LRRC37A: variants seen among roughly 807,000 people sequenced by gnomAD.
LRRC37A encodes leucine rich repeat containing 37A.
LRRC37A carries 3 observed loss-of-function variants against 35.4 expected under a neutral mutation model. The ratio of observed to expected loss-of-function variants is 0.08; its 90% CI spans 0.04 to 0.22. LRRC37A has a LOEUF of 0.22. Among genes scored for constraint, LRRC37A ranks in the 10% least tolerant of loss-of-function variants. The pLI is 1.00. For missense variants in LRRC37A, 67 were observed against 565.3 expected (o/e 0.12, Z 8.94); for synonymous variants, 23 against 215.0 (o/e 0.11, Z 7.81).
chr17:46,268,204 A>G, the LRRC37A span, among the ~76,000 whole-genome samples: 1 of 152,236 alleles, frequency 6.6e-6, no homozygotes, highest in Non-Finnish European at 1.5e-5. Flanking sequence ...TTTTTAGTAC[A>G]GATGGGGTTT....
the LRRC37A span, among the ~76,000 whole-genome samples, chr17:46,269,404 C>G: frequency 6.6e-6 from 1 of 152,126 alleles, no homozygotes; most frequent in Non-Finnish European, 1.5e-5. Context: ...TGTGGTGGCA[C>G]ATGCCTGTAA....
the LRRC37A span, chr17:46,267,008 TCGCCGCCCGCGC>T: frequency 5.9e-6 from 1 of 170,378 alleles, no homozygotes; most frequent in Non-Finnish European, 1.2e-5. Flanking sequence ...GGCCCCCGGC[TCGCCGCCCGCGC>T]CGCCGCCGCG....
the LRRC37A span, among the ~76,000 whole-genome samples, chr17:46,264,289 C>T: frequency 4.6e-5 from 7 of 152,094 alleles, no homozygotes; most frequent in African/African-American, 1.7e-4. Flanking sequence ...ATACAACACA[C>T]AGTAGATGCT....
the LRRC37A span, among the ~76,000 whole-genome samples, chr17:46,266,249 ACTCAGTCC>A: frequency 6.6e-6 from 1 of 151,934 alleles, no homozygotes. Flanking sequence ...TTTCTCCCCC[ACTCAGTCC>A]CTCAGTCCCG....
At chr17:46,263,873 A>AGAGAG in the LRRC37A span, among the ~76,000 whole-genome samples, 5 of 130,762 alleles carry the variant, frequency 3.8e-5, no homozygotes, top group Admixed American at 2.2e-4. Flanking sequence ...AAAAAAAAAA[A>AGAGAG]AGAGAGAGAG....
chr17:46,272,234 C>T, the LRRC37A span, among the ~76,000 whole-genome samples: 1 of 152,210 alleles, frequency 6.6e-6, no homozygotes, highest in Non-Finnish European at 1.5e-5. Flanking sequence ...AATATATTTA[C>T]AAGCCCAAGG....
the LRRC37A span, among the ~76,000 whole-genome samples, chr17:46,285,054 A>C: frequency 6.6e-6 from 1 of 151,976 alleles, no homozygotes; most frequent in Non-Finnish European, 1.5e-5. Flanking sequence ...TTTTTTGTAG[A>C]GATGGGGTCT....
chr17:46,277,925 A>G, the LRRC37A span, among the ~76,000 whole-genome samples: 1 of 151,904 alleles, frequency 6.6e-6, no homozygotes, highest in Non-Finnish European at 1.5e-5. Flanking sequence ...TACGGACATG[A>G]GCCACCATGC....
At chr17:46,286,529 A>G in the LRRC37A span, among the ~76,000 whole-genome samples, 1 of 152,340 alleles carries the variant, frequency 6.6e-6, no homozygotes, top group Non-Finnish European at 1.5e-5. Context: ...GTTTAATCTC[A>G]TTAATTTCTA....
the LRRC37A span, among the ~76,000 whole-genome samples, chr17:46,270,569 C>A: frequency 8.9e-6 from 1 of 112,772 alleles, no homozygotes; most frequent in South Asian, 2.4e-4. Flanking sequence ...AAAAAATTAA[C>A]TCAGGCATAA....
the LRRC37A span, among the ~76,000 whole-genome samples, chr17:46,275,762 T>G: frequency 6.6e-6 from 1 of 152,260 alleles, no homozygotes. Flanking sequence ...TGTGTATGTG[T>G]GTGTTTATTT....
chr17:46,271,614 G>A, the LRRC37A span, among the ~76,000 whole-genome samples: 1 of 152,158 alleles, frequency 6.6e-6, no homozygotes, highest in Non-Finnish European at 1.5e-5. Context: ...TTTGCCTAAA[G>A]GAATTAGCAG....
the LRRC37A span, among the ~76,000 whole-genome samples, chr17:46,264,406 A>G: frequency 6.6e-6 from 1 of 152,356 alleles, no homozygotes; most frequent in Admixed American, 6.5e-5. Flanking sequence ...ATACACACCT[A>G]TTGTAAAGAT....
At chr17:46,279,902 TAAAC>T in the LRRC37A span, among the ~76,000 whole-genome samples, 2 of 152,198 alleles carry the variant, frequency 1.3e-5, no homozygotes, top group Non-Finnish European at 2.9e-5. Flanking sequence ...TTTTCTGTCT[TAAAC>T]AAATTATCTA....
the LRRC37A span, chr17:46,267,431 C>T: frequency 6.2e-7 from 1 of 1,613,116 alleles, no homozygotes; most frequent in Admixed American, 1.7e-5. Flanking sequence ...CTGTACCTCA[C>T]TCACCCCCGA....
At chr17:46,273,243 T>A in the LRRC37A span, among the ~76,000 whole-genome samples, 3 of 152,262 alleles carry the variant, frequency 2.0e-5, no homozygotes, top group African/African-American at 4.8e-5. Context: ...GCACAGTGCA[T>A]ACAATATGTA....
chr17:46,257,419 C>T, the LRRC37A span, among the ~76,000 whole-genome samples: 2 of 144,662 alleles, frequency 1.4e-5, no homozygotes, highest in Admixed American at 1.4e-4. Context: ...TGCCACTGCA[C>T]TCTAGCCCAG....
chr17:46,291,994 A>G (rs1334539502), upstream of LRRC37A, among the ~76,000 whole-genome samples: 1 of 134,888 alleles, frequency 7.4e-6, no homozygotes, highest in Non-Finnish European at 1.6e-5. Context: ...AAAAGCCAAT[A>G]AAATCAATGG....
At chr17:46,278,186 T>G in the LRRC37A span, among the ~76,000 whole-genome samples, 1 of 151,844 alleles carries the variant, frequency 6.6e-6, no homozygotes, top group Non-Finnish European at 1.5e-5. Flanking sequence ...CCTCAGATGA[T>G]CCACCCGCCT....
Sources: allele counts gnomAD v4.1 joint callset (sites outside exome capture counted in the v4.1 genomes callset), GRCh38; gene constraint gnomAD v4.1.1; transcripts MANE v1.5; gene names NCBI Gene and HGNC (gene_info 2026-07-23, HGNC 2026-07-21).